Variants in OS9 observed in about 807,000 individuals in gnomAD.
OS9 encodes OS9 endoplasmic reticulum lectin.
Under a neutral mutation model 84.7 loss-of-function variants are expected in OS9, and 58 were observed. The observed-to-expected ratio is 0.68, with a 90% CI of 0.55 to 0.85. The LOEUF (loss-of-function observed/expected upper bound fraction) is 0.85. OS9 is among the 40% of genes least tolerant of loss of function. The probability of loss-of-function intolerance (pLI) is 0.00; values close to 1 mark genes in which losing one functional copy is unlikely to be tolerated. For synonymous variants in OS9, 278 were observed against 320.8 expected, an observed-to-expected ratio of 0.87 and a Z score of 1.43; for missense variants, 760 against 850.9, an observed-to-expected ratio of 0.89 and a Z score of 1.33.
At chr12:57,705,214 A>G (rs1344317926) in intron 5 of OS9, among the ~76,000 whole-genome samples, 1 of 152,140 alleles carries the variant, frequency 6.6e-6, no homozygotes, top group Admixed American at 6.5e-5. Flanking sequence ...TGTTGGGGCT[A>G]TCATTGGCCA....
intron 12 of OS9, chr12:57,719,756 A>G: frequency 4.0e-6 from 1 of 252,220 alleles, no homozygotes; most frequent in South Asian, 6.6e-5. Context: ...AAGTCCCAAC[A>G]TATGGAGGAG....
chr12:57,696,215 C>G (rs1953828013), intron 4 of OS9, 60 bp from the exon 5 acceptor site: 3 of 1,403,060 alleles, frequency 2.1e-6, no homozygotes, highest in South Asian at 2.4e-5. Context: ...GGACGCAGTG[C>G]CATCCTTCCT....
At chr12:57,694,439 G>A in intron 1 of OS9, 116 bp downstream of exon 1, 1 of 1,149,654 alleles carries the variant, frequency 8.7e-7, no homozygotes, top group Admixed American at 2.2e-5. Flanking sequence ...GGGAAGAGTA[G>A]GTATTGCTTT....
chr12:57,719,311 CTG>C (rs1427702742), intron 12 of OS9, 129 bp downstream of exon 12: 1 of 723,890 alleles, frequency 1.4e-6, no homozygotes, highest in Non-Finnish European at 2.3e-6. Flanking sequence ...TTCTGGAACA[CTG>C]TCCTCACTTG....
intron 5 of OS9, among the ~76,000 whole-genome samples, chr12:57,713,698 CTT>C (rs1045862160): frequency 4.9e-4 from 64 of 131,704 alleles, no homozygotes; most frequent in Middle Eastern, 3.9e-3. Context: ...CCCCACCCCA[CTT>C]TTTTTTTTTT....
chr12:57,711,038 CAAAAAAAA>C (rs35365273), intron 5 of OS9, among the ~76,000 whole-genome samples: 1 of 71,916 alleles, frequency 1.4e-5, no homozygotes, highest in Non-Finnish European at 2.6e-5. Flanking sequence ...GACTCCGTCT[CAAAAAAAA>C]AAAAAAAAAA....
chr12:57,718,088 G>T, intron 10 of OS9, 58 bp from the exon 11 acceptor site: 1 of 1,575,320 alleles, frequency 6.3e-7, no homozygotes, highest in South Asian at 1.2e-5. Flanking sequence ...GTCTGCCCCC[G>T]ACCATGTGTC....
In OS9 at chr12:57,694,326, G is replaced by A. The variant is rs1953756768; in HGVS notation, c.162+3G>A. The A allele has an allele frequency of 6.2e-7, 1 of 1,614,100 alleles. No homozygotes were observed. ...CGTTGCCTGTCATGGGAGGGCAGGT[G>A]AGAGGCGTATAAGGGGCGAGGGTCT... On this transcript the variant is annotated splice_donor_region_variant and intron_variant, in intron 1 of 14. Transcript: ENST00000315970.
rs558740621 is a variant in OS9, at chr12:57,701,067, A to G, written c.579+4694A>G. On this transcript the variant is annotated intron_variant, in intron 5 of 14. Transcript: ENST00000315970. ...ATAGCTAAAGCCCACCTTCATATTTAGTCACTCTCCCTCCCGCCAGAAACA... is the reference window on the plus strand; with the variant it reads ...ATAGCTAAAGCCCACCTTCATATTTGGTCACTCTCCCTCCCGCCAGAAACA... Among the ~76,000 whole-genome samples the G allele has an allele frequency of 1.0e-4, 4 of 39,548 alleles. No homozygotes were observed. In the South Asian group the frequency reaches 5.5e-3, roughly 54 times the overall value. 25.9% of individuals were successfully genotyped at this position (39,548 alleles called of 152,430 possible).
At chr12:57,710,355 T>C (rs1330610941) in intron 5 of OS9, among the ~76,000 whole-genome samples, 1 of 152,218 alleles carries the variant, frequency 6.6e-6, no homozygotes, top group Non-Finnish European at 1.5e-5. Context: ...CCTCTTTTCA[T>C]TCCTCATGGG....
intron 5 of OS9, among the ~76,000 whole-genome samples, chr12:57,714,587 T>C (rs1388591391): frequency 6.6e-6 from 1 of 152,102 alleles, no homozygotes. Flanking sequence ...ATTTCAGAAG[T>C]AGGACCGCTC....
chr12:57,718,510 C>T, intron 11 of OS9, 89 bp downstream of exon 11: 5 of 1,398,672 alleles, frequency 3.6e-6, no homozygotes, highest in Non-Finnish European at 4.9e-6. Context: ...ACAGAGGGCA[C>T]AGCACAGGGC....
Position 57,697,925 on chromosome 12 carries a change from AC to A in OS9, c.579+1553del, listed in dbSNP as rs1565767144. Among the ~76,000 whole-genome samples the A allele has an allele frequency of 7.6e-3, 357 of 47,166 alleles. 3 individuals are homozygous for A. The highest frequency in any genetic ancestry group is 0.013 in the African/African-American group (150 of 11,462). 30.9% of individuals were successfully genotyped at this position (47,166 alleles called of 152,430 possible). A position where few individuals can be genotyped will look rare whatever the true frequency, so the allele number is the denominator to read the frequency against. ...CATAAGCAAACACACACACACACAT[AC>A]ACACACACACACACACACACACACA... On this transcript the variant is annotated intron_variant, in intron 5 of 14. Coordinates refer to ENST00000315970, the MANE Select transcript of OS9 (RefSeq NM_006812.4).
At chr12:57,711,138 C>G (rs1954317499) in intron 5 of OS9, among the ~76,000 whole-genome samples, 1 of 151,804 alleles carries the variant, frequency 6.6e-6, no homozygotes, top group South Asian at 2.1e-4. Flanking sequence ...TGCTCCAGCC[C>G]CACAGGTTAA....
At chr12:57,716,350 T>G in intron 7 of OS9, 62 bp from the exon 8 acceptor site, 1 of 1,382,966 alleles carries the variant, frequency 7.2e-7, no homozygotes. Context: ...CCCCATCCTA[T>G]TTGCTCCCTT....
intron 5 of OS9, among the ~76,000 whole-genome samples, chr12:57,699,457 A>G (rs1953956890): frequency 6.6e-6 from 1 of 152,184 alleles, no homozygotes; most frequent in Admixed American, 6.5e-5. Flanking sequence ...TGCCAGAAGA[A>G]AGGGCCAGAG....
Position 57,718,203 on chromosome 12 carries a change from A to T in OS9, c.1192A>T (p.Arg398Trp), listed in dbSNP as rs1804598. The T allele has an allele frequency of 6.2e-7, 1 of 1,614,178 alleles. No individual in the cohort carries two copies. The highest frequency in any genetic ancestry group is 1.1e-5 in the South Asian group (1 of 91,080). The change falls in exon 11 of 15, where the codon AGG becomes TGG. Residue 398 changes from arginine to tryptophan, a missense_variant. Physicochemically the swap from Arg to Trp is moderately radical, Grantham distance 101. Coordinates refer to ENST00000315970, the MANE Select transcript of OS9 (RefSeq NM_006812.4). ...PVDDAAEVPQ[R>W]EPEKERGDPE... ...GGATGATGCTGCAGAAGTCCCTCAG[A>T]GGGAACCAGAGAAGGAAAGGGGTGA... is the stretch of plus-strand genomic sequence containing the variant.
chr12:57,720,284 G>A (rs747587413), intron 13 of OS9, 21 bp downstream of exon 13: 2 of 1,613,370 alleles, frequency 1.2e-6, no homozygotes, highest in East Asian at 2.2e-5. Flanking sequence ...GAGGGCGGCT[G>A]GACCCAGTGC....
rs758845077 is a variant in OS9, at chr12:57,694,851, G to A, written c.264G>A (p.Glu88=). The stretch of plus-strand genomic sequence containing the variant: ...TTCACTTCCAGCGTGAAAGGGAGGA[G>A]GAAACACCTGCTTACCAAGGGCCTG... ...GAIHFQRERE[E]ETPAYQGPGI... is the part of the protein sequence containing the mutation. The change falls in exon 2 of 15, where the codon GAG becomes GAA. Residue 88 remains glutamate (E), a synonymous_variant. Coordinates refer to ENST00000315970, the MANE Select transcript of OS9 (RefSeq NM_006812.4). 5 of 1,614,128 alleles carry A rather than the reference G, an allele frequency of 3.1e-6. No homozygotes were observed. The highest frequency in any genetic ancestry group is 2.2e-5 in the South Asian group (2 of 91,086).
Sources: allele counts gnomAD v4.1 joint callset (sites outside exome capture counted in the v4.1 genomes callset), GRCh38; gene constraint gnomAD v4.1.1; transcripts MANE v1.5; gene names NCBI Gene and HGNC (gene_info 2026-07-23, HGNC 2026-07-21).